Variants in HTR1F observed in about 807,000 individuals in gnomAD.
HTR1F encodes the protein 5-hydroxytryptamine (serotonin) receptor 1F, G protein-coupled.
A neutral mutation model predicts 24.0 loss-of-function variants in HTR1F; 17 were observed. That is an observed-to-expected ratio of 0.71 (90% CI 0.48 to 1.06). HTR1F has a LOEUF of 1.06. HTR1F is among the 50% of genes least tolerant of loss of function. The pLI is 0.00. For synonymous variants in HTR1F, 186 were observed against 156.8 expected (o/e 1.19, Z -1.39); for missense variants, 391 against 427.8 (o/e 0.91, Z 0.76).
chr3:87,821,204 C>A (rs993590172), intron 1 of HTR1F, among the ~76,000 whole-genome samples: 6 of 152,088 alleles, frequency 3.9e-5, no homozygotes, highest in Non-Finnish European at 8.8e-5. Flanking sequence ...AGTTTTTCTG[C>A]ACTGTTTTTT....
At position 87,875,816 on chromosome 3, in the gene HTR1F, C is replaced by T. The variant is rs543572378; in HGVS notation, c.-43+53692C>T. ...GTGGGTGCCTGTAGTCCCAGCTACT[C>T]GGGAGGCTGAAGCAGGAGAATGGCT... On this transcript the variant is annotated intron_variant, in intron 2 of 2. Transcript: ENST00000319595. Among the ~76,000 whole-genome samples the T allele has an allele frequency of 3.1e-4, 46 of 150,098 alleles. 1 individual carries two copies. Among genetic ancestry groups the T allele is most frequent in the South Asian group, 2.6e-3 (12 of 4,698 alleles).
intron 2 of HTR1F, among the ~76,000 whole-genome samples, chr3:87,948,969 A>G (rs1368861197): frequency 6.6e-6 from 1 of 152,118 alleles, no homozygotes; most frequent in Non-Finnish European, 1.5e-5. Flanking sequence ...CAGTATATTT[A>G]TTTTCAGATC....
chr3:87,883,204 C>G (rs1705849544), intron 2 of HTR1F, among the ~76,000 whole-genome samples: 1 of 152,192 alleles, frequency 6.6e-6, no homozygotes, highest in South Asian at 2.1e-4. Context: ...CTCCAGCAAA[C>G]TCCAACAGAC....
At chr3:87,982,326 C>T (rs942136019) in intron 2 of HTR1F, among the ~76,000 whole-genome samples, 6 of 151,946 alleles carry the variant, frequency 3.9e-5, no homozygotes, top group African/African-American at 1.5e-4. Context: ...AGGGTGTTGC[C>T]CCACAGCCCT....
At chr3:87,843,374 T>C (rs1290286466) in intron 2 of HTR1F, among the ~76,000 whole-genome samples, 2 of 151,868 alleles carry the variant, frequency 1.3e-5, no homozygotes. Context: ...GTGTTCTTCC[T>C]GAGTGCACTT....
intron 1 of HTR1F, among the ~76,000 whole-genome samples, 106 bp downstream of exon 1, chr3:87,792,948 C>A (rs1703840310): frequency 6.6e-6 from 1 of 152,242 alleles, no homozygotes; most frequent in Admixed American, 6.5e-5. Context: ...GGCTGGACAG[C>A]GCTTGCTCTC....
chr3:87,882,764 G>A lies in HTR1F; in HGVS notation c.-43+60640G>A, dbSNP rs887066592. On this transcript the variant is annotated intron_variant, in intron 2 of 2. Coordinates refer to ENST00000319595, the MANE Select transcript of HTR1F (RefSeq NM_001322209.2). ...AGATATACCTAATGCTAGATGACAA[G>A]TTAGTGGGTGCAGCGCACCAGCATG... Among the ~76,000 whole-genome samples, 5 of 151,654 alleles carry A rather than the reference G, an allele frequency of 3.3e-5. No homozygotes were observed. The East Asian group carries it at 9.7e-4, about 30-fold the overall frequency.
chr3:87,870,196 G>A (rs946212152), intron 2 of HTR1F, among the ~76,000 whole-genome samples: 1 of 152,026 alleles, frequency 6.6e-6, no homozygotes, highest in South Asian at 2.1e-4. Flanking sequence ...TAATAAAAGT[G>A]AGGTCTGTAT....
intron 1 of HTR1F, among the ~76,000 whole-genome samples, chr3:87,801,136 A>T (rs1239729485): frequency 6.6e-6 from 1 of 152,216 alleles, no homozygotes; most frequent in Non-Finnish European, 1.5e-5. Flanking sequence ...GCCAACTAAT[A>T]TTGAACAAAA....
At chr3:87,911,394 T>C (rs1703776350) in intron 2 of HTR1F, among the ~76,000 whole-genome samples, 1 of 151,938 alleles carries the variant, frequency 6.6e-6, no homozygotes. Context: ...TGGACACATA[T>C]ACCCTCCCAA....
chr3:87,956,220 G>C (rs1704939958), intron 2 of HTR1F, among the ~76,000 whole-genome samples: 1 of 151,232 alleles, frequency 6.6e-6, no homozygotes, highest in Admixed American at 6.6e-5. Flanking sequence ...TTGTGTATCT[G>C]TAAAGAATTG....
intron 2 of HTR1F, among the ~76,000 whole-genome samples, chr3:87,930,417 G>A (rs1193749334): frequency 6.6e-6 from 1 of 152,132 alleles, no homozygotes; most frequent in African/African-American, 2.4e-5. Context: ...GTTGGCTGTG[G>A]GTTTGTCATA....
chr3:87,985,433 G>A (rs1168630739), intron 2 of HTR1F, among the ~76,000 whole-genome samples: 4 of 152,074 alleles, frequency 2.6e-5, no homozygotes, highest in African/African-American at 9.7e-5. Flanking sequence ...GAAAAATGGT[G>A]GTTAAAAGAA....
At chr3:87,924,639 G>A (rs1248873450) in intron 2 of HTR1F, among the ~76,000 whole-genome samples, 1 of 152,076 alleles carries the variant, frequency 6.6e-6, no homozygotes, top group African/African-American at 2.4e-5. Context: ...GCATTGCTGG[G>A]TACACTATTC....
At chr3:87,816,253 G>A (rs1403723915) in intron 1 of HTR1F, among the ~76,000 whole-genome samples, 1 of 151,982 alleles carries the variant, frequency 6.6e-6, no homozygotes, top group Non-Finnish European at 1.5e-5. Flanking sequence ...ATTTGACCAT[G>A]ACTTACAGAA....
intron 2 of HTR1F, among the ~76,000 whole-genome samples, chr3:87,846,170 C>T (rs567443025): frequency 3.9e-4 from 60 of 151,972 alleles, no homozygotes; most frequent in Non-Finnish European, 7.3e-4. Context: ...CGGTGGCTCA[C>T]GCCTGTAATC....
intron 2 of HTR1F, among the ~76,000 whole-genome samples, chr3:87,847,429 T>G (rs1178267500): frequency 6.6e-6 from 1 of 151,900 alleles, no homozygotes. Context: ...TTTTACATAT[T>G]TATGGGAGTA....
intron 2 of HTR1F, among the ~76,000 whole-genome samples, chr3:87,869,083 G>C (rs2932284): frequency 3.3e-5 from 5 of 151,642 alleles, no homozygotes; most frequent in Non-Finnish European, 2.9e-5. Context: ...GAAAGTAACT[G>C]CCCTCAATCC....
At chr3:87,794,753 A>T (rs899906113) in intron 1 of HTR1F, among the ~76,000 whole-genome samples, 2 of 152,292 alleles carry the variant, frequency 1.3e-5, no homozygotes, top group Non-Finnish European at 2.9e-5. Flanking sequence ...GCATTAGCCA[A>T]ATTTTATTAT....
Sources: allele counts gnomAD v4.1 joint callset (sites outside exome capture counted in the v4.1 genomes callset), GRCh38; gene constraint gnomAD v4.1.1; transcripts MANE v1.5; gene names NCBI Gene and HGNC (gene_info 2026-07-23, HGNC 2026-07-21).